The following CTTNBP2 variants were observed in gnomAD, a reference collection of about 807,000 sequenced individuals.
CTTNBP2 encodes cortactin-binding protein 2.
In CTTNBP2, 108 loss-of-function variants were observed where a neutral mutation model predicts 156.9. That is an observed-to-expected ratio of 0.69 (90% confidence interval 0.59 to 0.81). The LOEUF (loss-of-function observed/expected upper bound fraction) is 0.81, where lower values mean the gene tolerates loss of function less well. CTTNBP2 is among the 30% of genes least tolerant of loss of function. CTTNBP2 has a pLI of 0.00. For missense variants in CTTNBP2, 1,924 were observed against 2,035.4 expected, an observed-to-expected ratio of 0.95 and a Z score of 1.05; for synonymous variants, 767 against 751.8, an observed-to-expected ratio of 1.02 and a Z score of -0.33.
chr7:117,753,763 G>C (rs559610508), intron 12 of CTTNBP2, among the ~76,000 whole-genome samples: 1 of 142,930 alleles, frequency 7.0e-6, no homozygotes, highest in African/African-American at 2.6e-5. Context: ...GCCTGTCACA[G>C]TGGGGGCTGG....
intron 12 of CTTNBP2, among the ~76,000 whole-genome samples, chr7:117,753,790 A>G (rs1796745390): frequency 6.6e-6 from 1 of 152,184 alleles, no homozygotes; most frequent in Admixed American, 6.5e-5. Context: ...GGAGAGCATC[A>G]GGAAGAATAT....
At chr7:117,819,494 T>G (rs1171788792) in intron 2 of CTTNBP2, among the ~76,000 whole-genome samples, 1 of 151,798 alleles carries the variant, frequency 6.6e-6, no homozygotes, top group East Asian at 1.9e-4. Context: ...TACTTCCCAA[T>G]GCCCTTCAAT....
At chr7:117,811,842 A>T (rs1178500164) in intron 2 of CTTNBP2, among the ~76,000 whole-genome samples, 2 of 54,176 alleles carry the variant, frequency 3.7e-5, no homozygotes, top group African/African-American at 1.2e-4. Flanking sequence ...AATTTTAATT[A>T]AATTAAAATT....
intron 2 of CTTNBP2, among the ~76,000 whole-genome samples, chr7:117,817,361 A>AAAATAT (rs1554437688): frequency 6.4e-4 from 34 of 53,266 alleles, no homozygotes; most frequent in Middle Eastern, 0.017. Flanking sequence ...AAAAAAAAAA[A>AAAATAT]ATATATATAT....
intron 16 of CTTNBP2, among the ~76,000 whole-genome samples, chr7:117,732,839 T>C (rs987252650): frequency 2.6e-5 from 4 of 152,142 alleles, no homozygotes; most frequent in Non-Finnish European, 5.9e-5. Context: ...GATTCTGTGA[T>C]ACCAGCAGCT....
rs939433802 is a variant in CTTNBP2 at position 117,718,109 on chromosome 7, G to GAATC, written c.4651_4654dup (p.Ser1552Ter). 1 of 1,609,882 alleles carries GAATC rather than the reference G, an allele frequency of 6.2e-7. No individual in the cohort carries two copies. The highest frequency in any genetic ancestry group is 8.5e-7 in the Non-Finnish European group (1 of 1,176,634). On this transcript the variant is annotated stop_gained and frameshift_variant, in exon 22 of 23. Coordinates refer to ENST00000160373, the MANE Select transcript of CTTNBP2 (RefSeq NM_033427.3). LOFTEE classifies it high-confidence loss of function. ...ATCAAACATCCTTAAATCATCCCTG[G>GAATC]AATCAGCAATCTAGAAAATACAGAA...
At position 117,792,157 on chromosome 7, in the gene CTTNBP2, T is replaced by A; in HGVS notation, c.1039A>T (p.Thr347Ser). The change falls in exon 4 of 23, where the codon ACC (threonine) becomes TCC (serine). Residue 347 changes from threonine (T) to serine (S), a missense_variant. Thr to Ser is a moderately conservative substitution (Grantham distance 58). Transcript: ENST00000160373. The surrounding 1 kb of genome is among the most constrained non-coding windows in gnomAD (Gnocchi z 4.2). ...CCTGGTCTGGCCATGGTGGCACTGG[T>A]GCACACGCTCCCTTTTGCATTTGCA... ...VSANAKGSVC[T>S]SATMARPGID... is the part of the protein sequence containing the mutation. 1 of 1,614,164 alleles carries A rather than the reference T, an allele frequency of 6.2e-7. No individual in the cohort carries two copies. Among genetic ancestry groups the A allele is most frequent in the Non-Finnish European group, 8.5e-7 (1 of 1,180,028 alleles).
At position 117,840,610 on chromosome 7, in the gene CTTNBP2, T is replaced by C. The variant is rs528801318; in HGVS notation, c.189+20599A>G. 2.0e-5 allele frequency among the ~76,000 whole-genome samples: 3 copies of C among 152,368 alleles called. 1 individual carries two copies. The highest frequency in any genetic ancestry group is 4.1e-4 in the South Asian group (2 of 4,830). ...AAACCATTACCACACAAGTGCCTTA[T>C]TGTAAAGCACATACGCATTTGTGAT... On this transcript the variant is annotated intron_variant, in intron 2 of 22. Coordinates refer to ENST00000160373, the MANE Select transcript of CTTNBP2 (RefSeq NM_033427.3).
chr7:117,717,011 A>AGAACAG (rs142731322), intron 22 of CTTNBP2, among the ~76,000 whole-genome samples: 1 of 152,308 alleles, frequency 6.6e-6, no homozygotes, highest in Admixed American at 6.5e-5. Flanking sequence ...AAGGTGGCTT[A>AGAACAG]CAATCAATCA....
rs1222150135 is a variant in CTTNBP2, at chr7:117,746,099, C to G, written c.3349G>C (p.Val1117Leu). 6.2e-7 allele frequency: 1 copy of G among 1,611,996 alleles called. No homozygotes were observed. The highest frequency in any genetic ancestry group is 8.5e-7 in the Non-Finnish European group (1 of 1,178,118). Residue 1117 changes from valine to leucine, a missense_variant and splice_region_variant, in exon 13 of 23, where the codon GTT becomes CTT. Coordinates refer to ENST00000160373, the MANE Select transcript of CTTNBP2 (RefSeq NM_033427.3). ...LQMMQNYLRL[V>L]EQYHNVIFHG... is the part of the protein sequence containing the mutation. ...AAAATGACATTATGATATTGCTCAA[C>G]CTATTAACAAACCAAGTAGAGAGCT...
intron 2 of CTTNBP2, among the ~76,000 whole-genome samples, chr7:117,836,957 G>A (rs1261677387): frequency 1.3e-5 from 2 of 152,176 alleles, no homozygotes; most frequent in East Asian, 3.9e-4. Context: ...TATAATTCAA[G>A]ATGAGATTTA....
chr7:117,816,570 G>A (rs999432371), intron 2 of CTTNBP2, among the ~76,000 whole-genome samples: 15 of 152,094 alleles, frequency 9.9e-5, no homozygotes, highest in African/African-American at 3.6e-4. Flanking sequence ...AAGGTTCAGA[G>A]TTTAGCCTAA....
intron 16 of CTTNBP2, among the ~76,000 whole-genome samples, chr7:117,730,818 G>T (rs954020759): frequency 6.6e-6 from 1 of 151,842 alleles, no homozygotes; most frequent in Non-Finnish European, 1.5e-5. Flanking sequence ...GAAAAAATTC[G>T]GGGGGATGGG....
chr7:117,775,566 G>A (rs1352462146), intron 8 of CTTNBP2, among the ~76,000 whole-genome samples: 2 of 146,756 alleles, frequency 1.4e-5, no homozygotes, highest in African/African-American at 5.2e-5. Flanking sequence ...GATCAAGGGT[G>A]TTCAGGTTTT....
chr7:117,856,198 C>T (rs981610836), intron 2 of CTTNBP2, among the ~76,000 whole-genome samples: 1 of 152,188 alleles, frequency 6.6e-6, no homozygotes, highest in African/African-American at 2.4e-5. Context: ...ACCGATACAC[C>T]TGTGTGCACT....
intron 3 of CTTNBP2, among the ~76,000 whole-genome samples, chr7:117,810,268 C>T (rs563846507): frequency 6.6e-5 from 10 of 152,296 alleles, no homozygotes; most frequent in Non-Finnish European, 1.0e-4. Flanking sequence ...GGACATACCA[C>T]GCAAACATGC....
At chr7:117,780,040 G>A (rs564726915) in intron 7 of CTTNBP2, among the ~76,000 whole-genome samples, 2 of 152,116 alleles carry the variant, frequency 1.3e-5, no homozygotes, top group Non-Finnish European at 2.9e-5. Flanking sequence ...GATTACATGC[G>A]TGAGCCACCA....
At chr7:117,826,050 T>C (rs989595666) in intron 2 of CTTNBP2, among the ~76,000 whole-genome samples, 1 of 152,182 alleles carries the variant, frequency 6.6e-6, no homozygotes, top group African/African-American at 2.4e-5. Context: ...CAGTCACAAC[T>C]GTTCTTTCTC....
At chr7:117,852,300 A>G (rs1014304147) in intron 2 of CTTNBP2, among the ~76,000 whole-genome samples, 2 of 145,234 alleles carry the variant, frequency 1.4e-5, no homozygotes, top group Non-Finnish European at 3.0e-5. Flanking sequence ...TACAAAACCA[A>G]AAAAAAAAAA....
Sources: allele counts gnomAD v4.1 joint callset (sites outside exome capture counted in the v4.1 genomes callset), GRCh38; gene constraint gnomAD v4.1.1; non-coding constraint Gnocchi (gnomAD v3.1); transcripts MANE v1.5; gene names NCBI Gene and HGNC (gene_info 2026-07-23, HGNC 2026-07-21).